The following EHBP1 variants were observed in gnomAD, a reference collection of about 807,000 sequenced individuals.
The protein encoded by EHBP1 is EH domain-binding protein 1.
In EHBP1, 55 loss-of-function variants were observed where a neutral mutation model predicts 144.0. The ratio of observed to expected loss-of-function variants is 0.38; its 90% CI spans 0.31 to 0.48. The LOEUF is 0.48. EHBP1 is among the 20% of genes least tolerant of loss of function. The probability of loss-of-function intolerance (pLI) is 0.98; values close to 1 mark genes in which losing one functional copy is unlikely to be tolerated. For synonymous variants in EHBP1, 469 were observed against 472.7 expected, an observed-to-expected ratio of 0.99 and a Z score of 0.10; for missense variants, 1,200 against 1,364.2, an observed-to-expected ratio of 0.88 and a Z score of 1.90.
intron 7 of EHBP1, among the ~76,000 whole-genome samples, chr2:62,850,377 CA>C (rs2048604367): frequency 6.6e-6 from 1 of 152,156 alleles, no homozygotes; most frequent in African/African-American, 2.4e-5. Context: ...CTGCCATCCC[CA>C]TCCCCACCTT....
intron 5 of EHBP1, among the ~76,000 whole-genome samples, chr2:62,816,148 T>C (rs1032915490): frequency 1.2e-4 from 19 of 152,210 alleles, no homozygotes; most frequent in African/African-American, 4.6e-4. Flanking sequence ...GATTTTTTTC[T>C]TCATATACTT....
intron 5 of EHBP1, among the ~76,000 whole-genome samples, chr2:62,800,787 C>T (rs555021516): frequency 5.9e-5 from 9 of 152,130 alleles, no homozygotes; most frequent in Non-Finnish European, 8.8e-5. Flanking sequence ...TGTATTACAA[C>T]CTGTTCTTTA....
chr2:62,683,831 A>G (rs2033623124), intron 1 of EHBP1, among the ~76,000 whole-genome samples: 1 of 152,126 alleles, frequency 6.6e-6, no homozygotes, highest in Non-Finnish European at 1.5e-5. Flanking sequence ...TGGCTGTGGA[A>G]CTGCTAGAGC....
chr2:62,793,998 T>G (rs764663115), intron 5 of EHBP1, among the ~76,000 whole-genome samples: 3 of 152,144 alleles, frequency 2.0e-5, no homozygotes, highest in Non-Finnish European at 4.4e-5. Flanking sequence ...TGGCCAGTAT[T>G]TCTTATCTTT....
chr2:62,783,264 T>C (rs2042568104), intron 5 of EHBP1, among the ~76,000 whole-genome samples: 1 of 152,174 alleles, frequency 6.6e-6, no homozygotes, highest in Non-Finnish European at 1.5e-5. Context: ...TGTCATTTAG[T>C]GTCTGTGGCT....
chr2:62,741,602 GTCCCT>G (rs1426620999), intron 2 of EHBP1, among the ~76,000 whole-genome samples: 1 of 152,072 alleles, frequency 6.6e-6, no homozygotes, highest in African/African-American at 2.4e-5. Context: ...TTTTAGTGCA[GTCCCT>G]TCATTTGATA....
intron 5 of EHBP1, among the ~76,000 whole-genome samples, chr2:62,774,938 A>G (rs2041953840): frequency 6.6e-6 from 1 of 152,232 alleles, no homozygotes; most frequent in South Asian, 2.1e-4. Context: ...GAGAGAGGAT[A>G]AAAATTACTG....
chr2:62,950,913 G>A (rs2057341199), intron 13 of EHBP1, among the ~76,000 whole-genome samples: 1 of 152,152 alleles, frequency 6.6e-6, no homozygotes, highest in African/African-American at 2.4e-5. Flanking sequence ...TCAAACTCCT[G>A]ACCTCAGGTG....
At chr2:62,820,488 A>G (rs1189257578) in intron 5 of EHBP1, among the ~76,000 whole-genome samples, 2 of 151,306 alleles carry the variant, frequency 1.3e-5, no homozygotes, top group Non-Finnish European at 2.9e-5. Context: ...CATCCCAAGT[A>G]GAAACTATCT....
intron 19 of EHBP1, among the ~76,000 whole-genome samples, chr2:63,026,512 A>G (rs2060991620): frequency 6.6e-6 from 1 of 152,170 alleles, no homozygotes; most frequent in Non-Finnish European, 1.5e-5. Flanking sequence ...TTTCCTTTTT[A>G]CAGATGAGGA....
chr2:63,038,657 C>T (rs1432649880), intron 20 of EHBP1, 86 bp from the exon 21 acceptor site: 2 of 1,258,684 alleles, frequency 1.6e-6, no homozygotes, highest in African/African-American at 3.0e-5. Context: ...AGTTATGAGT[C>T]CTAAAATCAA....
intron 1 of EHBP1, among the ~76,000 whole-genome samples, chr2:62,699,931 T>A (rs2034225479): frequency 6.6e-6 from 1 of 152,232 alleles, no homozygotes; most frequent in Non-Finnish European, 1.5e-5. Flanking sequence ...CTTTTCTAGA[T>A]GCTGTGGAGC....
intron 10 of EHBP1, chr2:62,881,698 T>C (rs2051433983): frequency 6.6e-6 from 1 of 152,188 alleles, no homozygotes; most frequent in East Asian, 1.9e-4. Context: ...TTAGAAATTT[T>C]AATACGTGAT....
At chr2:62,732,878 A>G (rs750625793) in intron 2 of EHBP1, among the ~76,000 whole-genome samples, 5 of 151,854 alleles carry the variant, frequency 3.3e-5, no homozygotes, top group African/African-American at 7.3e-5. Context: ...TTCTACTGAC[A>G]TTTTCTCAAG....
chr2:62,859,656 A>G (rs370572637), intron 8 of EHBP1, among the ~76,000 whole-genome samples: 11 of 152,196 alleles, frequency 7.2e-5, no homozygotes, highest in South Asian at 2.1e-4. Context: ...CCCCAACTCT[A>G]TGTCTCTCTA....
intron 10 of EHBP1, among the ~76,000 whole-genome samples, chr2:62,908,685 C>A (rs2053981161): frequency 6.6e-6 from 1 of 152,054 alleles, no homozygotes; most frequent in Admixed American, 6.6e-5. Context: ...TTAGAAGTAT[C>A]ATTTAGTCTC....
intron 1 of EHBP1, among the ~76,000 whole-genome samples, chr2:62,676,659 CA>C (rs1287651042): frequency 6.6e-6 from 1 of 152,016 alleles, no homozygotes; most frequent in Non-Finnish European, 1.5e-5. Flanking sequence ...TATCAAGCCA[CA>C]AAAGACCAAG....
intron 14 of EHBP1, among the ~76,000 whole-genome samples, chr2:62,971,629 A>T (rs2058500184): frequency 6.6e-6 from 1 of 152,196 alleles, no homozygotes; most frequent in Admixed American, 6.5e-5. Flanking sequence ...CATTTACAAG[A>T]TATATGACCT....
chr2:62,888,884 A>C (rs2152903414), intron 10 of EHBP1, among the ~76,000 whole-genome samples: 1 of 152,188 alleles, frequency 6.6e-6, no homozygotes, highest in East Asian at 1.9e-4. Context: ...ACTTTAGGAA[A>C]AACAAACAAA....
Sources: gnomAD v4.1 joint callset for allele counts (sites outside exome capture counted in the v4.1 genomes callset) on GRCh38, gnomAD v4.1.1 for gene constraint, MANE v1.5 for transcripts, NCBI Gene and HGNC (gene_info 2026-07-23, HGNC 2026-07-21) for gene names.